Variants in OSBP2 observed in about 807,000 individuals in gnomAD.
The protein encoded by OSBP2 is oxysterol binding protein 2.
OSBP2 carries 66 observed loss-of-function variants against 96.0 expected under a neutral mutation model. The ratio of observed to expected loss-of-function variants is 0.69; its 90% confidence interval spans 0.56 to 0.84. The LOEUF (loss-of-function observed/expected upper bound fraction) is 0.84. OSBP2 is among the 40% of genes least tolerant of loss of function. The pLI is 0.00. For synonymous variants in OSBP2, 525 were observed against 520.9 expected, an observed-to-expected ratio of 1.01 and a Z score of -0.11; for missense variants, 1,038 against 1,222.7, an observed-to-expected ratio of 0.85 and a Z score of 2.25.
chr22:30,695,395 T>C lies in OSBP2; in HGVS notation c.486T>C (p.Leu162=), dbSNP rs200100749. 6.2e-7 allele frequency: 1 copy of C among 1,613,892 alleles called. No homozygotes were observed. The highest frequency in any genetic ancestry group is 1.3e-5 in the African/African-American group (1 of 75,058). Residue 162 remains leucine (L), a synonymous_variant, in exon 1 of 14, where the codon CTT becomes CTC. Transcript: ENST00000332585. ...LLRPGQAKTP[L]GVPMSGTGTT... is the part of the protein sequence containing the mutation. The stretch of plus-strand genomic sequence containing the variant: ...GACCAGGACAGGCGAAGACTCCTCT[T>C]GGGGTTCCAATGTCGGGGACTGGCA...
chr22:30,756,618 G>C (rs533314137), intron 2 of OSBP2, among the ~76,000 whole-genome samples: 1 of 152,282 alleles, frequency 6.6e-6, no homozygotes, highest in East Asian at 1.9e-4. Flanking sequence ...GTTCGAACCC[G>C]GGAGGTGGAG....
intron 2 of OSBP2, among the ~76,000 whole-genome samples, chr22:30,858,594 C>G (rs1190562209): frequency 1.3e-5 from 2 of 151,702 alleles, no homozygotes; most frequent in East Asian, 3.9e-4. Context: ...AAAACCCTTT[C>G]CTGGCCAGGG....
intron 2 of OSBP2, among the ~76,000 whole-genome samples, chr22:30,867,282 G>A (rs2039359660): frequency 6.6e-6 from 1 of 152,106 alleles, no homozygotes. Context: ...TTTGCCAGAG[G>A]ACAAAGAGCC....
chr22:30,733,979 A>G (rs539923228), intron 1 of OSBP2, among the ~76,000 whole-genome samples: 1 of 151,954 alleles, frequency 6.6e-6, no homozygotes, highest in Non-Finnish European at 1.5e-5. Flanking sequence ...AAAATACATT[A>G]TCATTTTTTT....
intron 2 of OSBP2, among the ~76,000 whole-genome samples, chr22:30,759,535 A>G (rs967301806): frequency 2.0e-5 from 3 of 152,348 alleles, no homozygotes; most frequent in African/African-American, 7.2e-5. Flanking sequence ...ACAATACTAC[A>G]AAAACATAAA....
intron 2 of OSBP2, among the ~76,000 whole-genome samples, chr22:30,760,568 C>T (rs1256450109): frequency 6.6e-6 from 1 of 152,100 alleles, no homozygotes; most frequent in Non-Finnish European, 1.5e-5. Context: ...GTAATCCCAG[C>T]ACTTTGGAAG....
rs2040359673 is a variant in OSBP2 at position 30,907,657 on chromosome 22, T to C, written c.*1318T>C. ...TAAAAAAAAAAAGTGAAAACACCAA[T>C]GTGTGAAATGCCTTACAATGCCCAC... On this transcript the variant is annotated 3_prime_UTR_variant, in exon 14 of 14. Transcript: ENST00000332585. 1 of 151,888 alleles carries C rather than the reference T, an allele frequency of 6.6e-6. No individual in the cohort carries two copies. The highest frequency in any genetic ancestry group is 6.6e-5 in the Admixed American group (1 of 15,212). 9.4% of individuals were successfully genotyped at this position (151,888 alleles called of 1,614,324 possible). A position where few individuals can be genotyped will look rare whatever the true frequency, so the allele number is the denominator to read the frequency against.
At chr22:30,819,914 T>C (rs1251273317) in intron 2 of OSBP2, among the ~76,000 whole-genome samples, 1 of 152,214 alleles carries the variant, frequency 6.6e-6, no homozygotes, top group Non-Finnish European at 1.5e-5. Context: ...GCCCTCCTCT[T>C]CTTCAGCCTT....
At chr22:30,850,570 G>A (rs1353225579) in intron 2 of OSBP2, among the ~76,000 whole-genome samples, 3 of 151,784 alleles carry the variant, frequency 2.0e-5, no homozygotes, top group South Asian at 2.1e-4. Context: ...TGTGATCTCC[G>A]CTCACTGCAA....
intron 1 of OSBP2, among the ~76,000 whole-genome samples, chr22:30,696,962 C>A (rs1159216471): frequency 6.6e-6 from 1 of 152,072 alleles, no homozygotes; most frequent in African/African-American, 2.4e-5. Context: ...CCGGCCTCTC[C>A]TGTCTTACAA....
At chr22:30,735,515 T>G (rs1414231504) in intron 1 of OSBP2, among the ~76,000 whole-genome samples, 1 of 151,360 alleles carries the variant, frequency 6.6e-6, no homozygotes, top group Non-Finnish European at 1.5e-5. Flanking sequence ...TTTCACCATG[T>G]TGCCGAGACT....
chr22:30,902,132 A>AG (rs1258801969), intron 12 of OSBP2: 2 of 179,176 alleles, frequency 1.1e-5, no homozygotes, highest in East Asian at 2.2e-4. Context: ...AAACGAAAAA[A>AG]AAAAAACCAA....
intron 2 of OSBP2, among the ~76,000 whole-genome samples, chr22:30,779,693 C>T (rs981597420): frequency 2.0e-5 from 3 of 152,112 alleles, no homozygotes; most frequent in Non-Finnish European, 4.4e-5. Context: ...ACTGAGAAAG[C>T]GCCAGAGAGA....
intron 5 of OSBP2, 81 bp from the exon 6 acceptor site, chr22:30,889,096 G>A: frequency 2.4e-6 from 3 of 1,232,366 alleles, no homozygotes; most frequent in Non-Finnish European, 2.3e-6. Flanking sequence ...TGAAAATGAT[G>A]TTGTCTGGAG....
chr22:30,715,710 C>T (rs1040224179), intron 1 of OSBP2, among the ~76,000 whole-genome samples: 2 of 151,876 alleles, frequency 1.3e-5, no homozygotes, highest in African/African-American at 2.4e-5. Context: ...TGCCTGCCAC[C>T]ATGTCCAGTT....
At chr22:30,724,139 T>C (rs1312647802) in intron 1 of OSBP2, among the ~76,000 whole-genome samples, 1 of 152,214 alleles carries the variant, frequency 6.6e-6, no homozygotes. Flanking sequence ...AATCACACAG[T>C]ATATACAGTA....
intron 2 of OSBP2, among the ~76,000 whole-genome samples, chr22:30,765,435 C>G (rs1334890478): frequency 1.3e-5 from 2 of 152,122 alleles, no homozygotes; most frequent in African/African-American, 4.8e-5. Flanking sequence ...TCTTGAACTC[C>G]TGACCTCAAG....
At chr22:30,888,424 A>T in intron 5 of OSBP2, 84 bp downstream of exon 5, 1 of 867,274 alleles carries the variant, frequency 1.2e-6, no homozygotes. Context: ...CTAGTTGTCT[A>T]CTTGGGGTTT....
intron 2 of OSBP2, among the ~76,000 whole-genome samples, chr22:30,788,033 C>T (rs1182331150): frequency 6.6e-6 from 1 of 152,136 alleles, no homozygotes; most frequent in Non-Finnish European, 1.5e-5. Context: ...CTGAACAGGA[C>T]TGGGGTCTCA....
Sources: allele counts gnomAD v4.1 joint callset (sites outside exome capture counted in the v4.1 genomes callset), GRCh38; gene constraint gnomAD v4.1.1; transcripts MANE v1.5; gene names NCBI Gene and HGNC (gene_info 2026-07-23, HGNC 2026-07-21).